The following ADAM33 variants were observed in gnomAD, a reference collection of about 807,000 sequenced individuals.
ADAM33 encodes the protein disintegrin and metalloproteinase domain-containing protein 33.
In ADAM33, 103 loss-of-function variants were observed where a neutral mutation model predicts 106.2. The ratio of observed to expected loss-of-function variants is 0.97; its 90% CI spans 0.83 to 1.14. The LOEUF (loss-of-function observed/expected upper bound fraction) is 1.14. Ranked by LOEUF, ADAM33 falls within the 50% of genes most tolerant of loss-of-function variation. The pLI is 0.00. For missense variants in ADAM33, 1,120 were observed against 1,096.6 expected, an observed-to-expected ratio of 1.02 and a Z score of -0.30; for synonymous variants, 483 against 453.0, an observed-to-expected ratio of 1.07 and a Z score of -0.84.
At position 3,674,721 on chromosome 20, in the gene ADAM33, G is replaced by A. The variant is rs199638828; in HGVS notation, c.411-28C>T. On this transcript the variant is annotated intron_variant, in intron 5 of 21. Transcript: ENST00000356518. ...AGGGTGCAGAGGGGTAGGAGCGGGT[G>A]TGAGGGAGCTCTTTCCCCATCCCAG... The A allele has an allele frequency of 5.1e-4, 817 of 1,595,370 alleles. 4 individuals are homozygous for A. The East Asian group carries it at 9.7e-3, about 19-fold the overall frequency.
chr20:3,674,877 C>T (rs753697632), intron 4 of ADAM33, 28 bp from the exon 5 acceptor site: 31 of 1,608,410 alleles, frequency 1.9e-5, no homozygotes, highest in Non-Finnish European at 2.6e-5. Context: ...AGCCCCAAAT[C>T]TCAGCCAGGG....
At position 3,671,117 on chromosome 20, in the gene ADAM33, A is replaced by T; in HGVS notation, c.2129T>A (p.Val710Asp). Reference protein sequence around the residue: ...DTFLLAMLLSVLLPLLPGAGL... With the variant: ...DTFLLAMLLSDLLPLLPGAGL... Reference sequence around the variant, plus strand: ...GGCCCCTGGGAGCAGAGGCAGCAGGACGCTGAGGAGCATGGCCAGCAGGAA... The same window carrying T: ...GGCCCCTGGGAGCAGAGGCAGCAGGTCGCTGAGGAGCATGGCCAGCAGGAA... The change falls in exon 19 of 22, where the codon GTC becomes GAC. Residue 710 changes from valine (V) to aspartate (D), a missense_variant. By Grantham distance (152) the Val-to-Asp change is radical. Transcript: ENST00000356518. 1 of 1,606,902 alleles carries T rather than the reference A, an allele frequency of 6.2e-7. No individual in the cohort carries two copies. The highest frequency in any genetic ancestry group is 8.5e-7 in the Non-Finnish European group (1 of 1,176,906).
In ADAM33 at chr20:3,672,177, T is replaced by C. The variant is rs763879659; in HGVS notation, c.1554A>G (p.Ala518=). 1.2e-5 allele frequency: 20 copies of C among 1,613,076 alleles called. No individual in the cohort carries two copies. Among genetic ancestry groups the C allele is most frequent in the Admixed American group, 1.2e-4 (7 of 60,002 alleles). The change falls in exon 14 of 22, where the codon GCA becomes GCG. Residue 518 remains alanine (A), a synonymous_variant. Transcript: ENST00000356518. Reference sequence around the variant, plus strand: ...GGCACTGCTGCTCCAGCGTGGGACATGCGCCATCCCAGCAGTAGCCACTGC... The same window carrying C: ...GGCACTGCTGCTCCAGCGTGGGACACGCGCCATCCCAGCAGTAGCCACTGC... The part of the protein sequence containing the change: ...ARGSGYCWDG[A]CPTLEQQCQQ...
Position 3,674,259 on chromosome 20 carries a change from C to T in ADAM33, c.626G>A (p.Arg209Gln), listed in dbSNP as rs766235334. The change falls in exon 7 of 22, where the codon CGG (arginine) becomes CAG (glutamine). Residue 209 changes from arginine to glutamine, a missense_variant. Coordinates refer to ENST00000356518, the MANE Select transcript of ADAM33 (RefSeq NM_025220.5). ...CACAATGTACAGTTCCAGGTACTTC[C>T]GGGTCCTGCGCGCTTCTCGCCTGCC... ...SRGRREARRT[R>Q]KYLELYIVAD... 5 of 1,613,866 alleles carry T rather than the reference C, an allele frequency of 3.1e-6. No individual in the cohort carries two copies. The highest frequency in any genetic ancestry group is 2.7e-5 in the African/African-American group (2 of 74,934).
In ADAM33 at chr20:3,679,533, G is replaced by T; in HGVS notation, c.136C>A (p.Leu46Met). Residue 46 changes from leucine (L) to methionine (M), a missense_variant, in exon 2 of 22, where the codon CTG becomes ATG. Coordinates refer to ENST00000356518, the MANE Select transcript of ADAM33 (RefSeq NM_025220.5). ...ACGGTGCGCCAGGGTTGTCCATCCAGGACCCAGTGCGGGGTGACTGGCTGC... is the reference window on the plus strand; with the variant it reads ...ACGGTGCGCCAGGGTTGTCCATCCATGACCCAGTGCGGGGTGACTGGCTGC... ...PGQPVTPHWV[L>M]DGQPWRTVSL... 6.2e-7 allele frequency: 1 copy of T among 1,611,114 alleles called. No individual in the cohort carries two copies. The highest frequency in any genetic ancestry group is 1.1e-5 in the South Asian group (1 of 90,200).
intron 1 of ADAM33, among the ~76,000 whole-genome samples, chr20:3,681,519 G>A (rs2088493050): frequency 1.3e-5 from 2 of 152,186 alleles, no homozygotes; most frequent in South Asian, 4.1e-4. Context: ...GTCCTAAGGG[G>A]TGGAGGAGCA....
Position 3,672,847 on chromosome 20 carries a change from G to C in ADAM33, c.1185C>G (p.Ala395=). 6.3e-7 allele frequency: 1 copy of C among 1,576,624 alleles called. No homozygotes were observed. Among genetic ancestry groups the C allele is most frequent in the Non-Finnish European group, 8.6e-7 (1 of 1,169,286 alleles). The change falls in exon 12 of 22, where the codon GCC becomes GCG. Residue 395 remains alanine (A), a synonymous_variant. Coordinates refer to ENST00000356518, the MANE Select transcript of ADAM33 (RefSeq NM_025220.5). ...AAGCGCCGCCCCCCTTGCGGAAGAA[G>C]GCGCGCAGCTGGCGGCGGCTGCAGG... ...FSACSRRQLR[A]FFRKGGGACL...
rs1245775524 is a variant in ADAM33 at position 3,673,979 on chromosome 20, C to T, written c.739-68G>A. 2.5e-6 allele frequency: 4 copies of T among 1,601,458 alleles called. No homozygotes were observed. The African/African-American group carries it at 5.3e-5, about 21-fold the overall frequency. On this transcript the variant is annotated intron_variant, in intron 8 of 21. Coordinates refer to ENST00000356518, the MANE Select transcript of ADAM33 (RefSeq NM_025220.5). ...CGCGCCGGTGGTCCTTCGTGGGGCGCCCTTCCTCTTCCCCAAACCCCACCA... is the reference window on the plus strand; with the variant it reads ...CGCGCCGGTGGTCCTTCGTGGGGCGTCCTTCCTCTTCCCCAAACCCCACCA...
chr20:3,681,075 GT>G (rs1239102261), intron 1 of ADAM33, among the ~76,000 whole-genome samples: 1 of 152,134 alleles, frequency 6.6e-6, no homozygotes, highest in Non-Finnish European at 1.5e-5. Flanking sequence ...TACCTGTTTG[GT>G]CCCCACACAG....
intron 19 of ADAM33, chr20:3,670,039 A>C: frequency 5.3e-6 from 2 of 376,016 alleles, no homozygotes; most frequent in Non-Finnish European, 1.0e-5. Flanking sequence ...GACTGTCCCC[A>C]TCCCATCCCC....
chr20:3,678,550 G>A lies in ADAM33; in HGVS notation c.177+942C>T, dbSNP rs2088172152. ...TATGGGCCTAGGGGATCCCAGTGAG[G>A]GCCCTGGGTTGGGAGCTGCTGGGTC... On this transcript the variant is annotated intron_variant, in intron 2 of 21. Coordinates refer to ENST00000356518, the MANE Select transcript of ADAM33 (RefSeq NM_025220.5). Among the ~76,000 whole-genome samples, 4 of 152,348 alleles carry A rather than the reference G, an allele frequency of 2.6e-5. 1 individual carries two copies. In the South Asian group the frequency reaches 8.3e-4, roughly 32 times the overall value.
In ADAM33 at chr20:3,669,600, C is replaced by T. The variant is rs758281279; in HGVS notation, c.2278G>A (p.Gly760Ser). The T allele has an allele frequency of 1.4e-5, 22 of 1,603,592 alleles. No individual in the cohort carries two copies. The East Asian group carries it at 1.8e-4, about 13-fold the overall frequency. Residue 760 changes from glycine (G) to serine (S), a missense_variant, in exon 20 of 22, where the codon GGC becomes AGC. Gly to Ser is a moderately conservative substitution (Grantham distance 56). Transcript: ENST00000356518. ...DGPHRDHPLG[G>S]VHPMELGPTA... is the part of the protein sequence containing the mutation. ...GGGCCCAACTCCATGGGGTGAACGCCGCCCAGGGGGTGGTCCCTGTGTGGG... is the reference window on the plus strand; with the variant it reads ...GGGCCCAACTCCATGGGGTGAACGCTGCCCAGGGGGTGGTCCCTGTGTGGG...
Position 3,674,256 on chromosome 20 carries a change from T to G in ADAM33, c.629A>C (p.Lys210Thr), listed in dbSNP as rs1186464765. The G allele has an allele frequency of 6.2e-7, 1 of 1,613,896 alleles. No individual in the cohort carries two copies. Among genetic ancestry groups the G allele is most frequent in the South Asian group, 1.1e-5 (1 of 91,092 alleles). ...RGRREARRTR[K>T]YLELYIVADH... ...TGCCACAATGTACAGTTCCAGGTAC[T>G]TCCGGGTCCTGCGCGCTTCTCGCCT... is the stretch of plus-strand genomic sequence containing the variant. Residue 210 changes from lysine (K) to threonine (T), a missense_variant, in exon 7 of 22, where the codon AAG becomes ACG. By Grantham distance (78) the Lys-to-Thr change is moderately conservative (BLOSUM62 -1). Coordinates refer to ENST00000356518, the MANE Select transcript of ADAM33 (RefSeq NM_025220.5).
At position 3,672,853 on chromosome 20, in the gene ADAM33, C is replaced by T. The variant is rs200568524; in HGVS notation, c.1179G>A (p.Leu393=). 150 of 1,576,200 alleles carry T rather than the reference C, an allele frequency of 9.5e-5. No individual in the cohort carries two copies. Among genetic ancestry groups the T allele is most frequent in the Middle Eastern group, 2.3e-4 (1 of 4,376 alleles). Residue 393 remains leucine, a synonymous_variant, in exon 12 of 22, where the codon CTG becomes CTA. Coordinates refer to ENST00000356518, the MANE Select transcript of ADAM33 (RefSeq NM_025220.5). The part of the protein sequence containing the change: ...RVFSACSRRQ[L]RAFFRKGGGA... The stretch of plus-strand genomic sequence containing the variant: ...CGCCCCCCTTGCGGAAGAAGGCGCG[C>T]AGCTGGCGGCGGCTGCAGGCGCTGA...
In ADAM33 at chr20:3,669,303, G is replaced by A. The variant is rs1206320642; in HGVS notation, c.2400C>T (p.Pro800=). 6.3e-7 allele frequency: 1 copy of A among 1,587,952 alleles called. No individual in the cohort carries two copies. The highest frequency in any genetic ancestry group is 8.5e-7 in the Non-Finnish European group (1 of 1,173,038). The change falls in exon 21 of 22, where the codon CCC becomes CCT. Residue 800 remains proline, a synonymous_variant. Coordinates refer to ENST00000356518, the MANE Select transcript of ADAM33 (RefSeq NM_025220.5). ...TGAATCCAGGTCCCTGCCTACCTTG[G>A]GGGTCAGGCGAGACTGCTGGCAGAG... ...EKPLPAVSPD[P]QADQVQMPRS... is the part of the protein sequence containing the mutation.
chr20:3,677,163 G>A lies in ADAM33; in HGVS notation c.178-20C>T. The A allele has an allele frequency of 6.3e-7, 1 of 1,586,544 alleles. No individual in the cohort carries two copies. The highest frequency in any genetic ancestry group is 8.6e-7 in the Non-Finnish European group (1 of 1,167,052). ...CGAGACCTGGGCAAGAAAATGTGTG[G>A]AGCTGAGATGGTGGCCTCCAGGCCT... On this transcript the variant is annotated intron_variant, in intron 2 of 21. Transcript: ENST00000356518.
In ADAM33 at chr20:3,675,966, C is replaced by T. The variant is rs1212219551; in HGVS notation, c.255-861G>A. Among the ~76,000 whole-genome samples the T allele has an allele frequency of 6.6e-6, 1 of 152,072 alleles. No individual in the cohort carries two copies. The highest frequency in any genetic ancestry group is 1.5e-5 in the Non-Finnish European group (1 of 68,002). ...TAGGAGGTAGGTGATGTGACCACCC[C>T]ATTGAAAGGGTAGGGACGTCGGGAA... is the stretch of plus-strand genomic sequence containing the variant. On this transcript the variant is annotated intron_variant, in intron 3 of 21. Coordinates refer to ENST00000356518, the MANE Select transcript of ADAM33 (RefSeq NM_025220.5). This position sits in a 1 kb window ranked among gnomAD's most constrained non-coding sequence, Gnocchi z 4.1.
rs746843228 is a variant in ADAM33 at position 3,672,630 on chromosome 20, G to A, written c.1312-4C>T. 2.6e-5 allele frequency: 42 copies of A among 1,613,340 alleles called. No homozygotes were observed. The highest frequency in any genetic ancestry group is 3.5e-5 in the Non-Finnish European group (41 of 1,179,844). Reference sequence around the variant, plus strand: ...AGCAGCAGAGGTCGCGGCACTCCTGGGACCAGAAAGGCAAGAAGGGCCCAG... The same window carrying A: ...AGCAGCAGAGGTCGCGGCACTCCTGAGACCAGAAAGGCAAGAAGGGCCCAG... On this transcript the variant is annotated splice_region_variant and splice_polypyrimidine_tract_variant and intron_variant, in intron 12 of 21. Coordinates refer to ENST00000356518, the MANE Select transcript of ADAM33 (RefSeq NM_025220.5).
intron 1 of ADAM33, among the ~76,000 whole-genome samples, chr20:3,681,386 T>C (rs1265348852): frequency 1.3e-5 from 2 of 152,080 alleles, no homozygotes; most frequent in African/African-American, 4.8e-5. Context: ...CCTGCTGCCC[T>C]GGGAGGAGGG....
Sources: gnomAD v4.1 joint callset for allele counts (sites outside exome capture counted in the v4.1 genomes callset) on GRCh38, gnomAD v4.1.1 for gene constraint, Gnocchi (gnomAD v3.1) non-coding constraint, MANE v1.5 for transcripts, NCBI Gene and HGNC (gene_info 2026-07-23, HGNC 2026-07-21) for gene names.